The following SYNPO2 variants were observed in gnomAD, a reference collection of about 807,000 sequenced individuals.
The protein encoded by SYNPO2 is synaptopodin 2, also known as synaptopodin-2.
SYNPO2 carries 56 observed loss-of-function variants against 85.0 expected under a neutral mutation model. That is an observed-to-expected ratio of 0.66 (90% CI 0.53 to 0.82). The LOEUF is 0.82. Ranked by LOEUF, SYNPO2 falls within the 40% of genes least tolerant of loss-of-function variation. The pLI is 0.00. For missense variants in SYNPO2, 1,575 were observed against 1,534.2 expected (o/e 1.03, Z -0.44); for synonymous variants, 602 against 591.1 (o/e 1.02, Z -0.27).
At chr4:118,891,158 C>T (rs899673058) in intron 1 of SYNPO2, among the ~76,000 whole-genome samples, 2 of 152,120 alleles carry the variant, frequency 1.3e-5, no homozygotes, top group South Asian at 4.1e-4. Context: ...GTCCTACACT[C>T]CCCCTAAATC....
At chr4:118,977,949 G>C (rs1044517615) in intron 1 of SYNPO2, among the ~76,000 whole-genome samples, 9 of 152,174 alleles carry the variant, frequency 5.9e-5, no homozygotes, top group African/African-American at 2.2e-4. Flanking sequence ...TACTAGCCAA[G>C]TGAGTGAACC....
At chr4:119,016,937 T>C (rs1238393384) in intron 1 of SYNPO2, among the ~76,000 whole-genome samples, 2 of 152,196 alleles carry the variant, frequency 1.3e-5, no homozygotes, top group African/African-American at 4.8e-5. Context: ...CCAGGAACCT[T>C]TCCAAGGTTG....
intron 1 of SYNPO2, among the ~76,000 whole-genome samples, chr4:118,859,266 ATCTT>A (rs1731566712): frequency 6.6e-6 from 1 of 152,262 alleles, no homozygotes; most frequent in African/African-American, 2.4e-5. Context: ...TTTAAATTAA[ATCTT>A]TAATTTTTAA....
At chr4:118,953,789 G>A (rs974651709) in intron 1 of SYNPO2, among the ~76,000 whole-genome samples, 16 of 152,150 alleles carry the variant, frequency 1.1e-4, no homozygotes, top group African/African-American at 3.6e-4. Context: ...AAGCTCATAA[G>A]CCAGCATAAA....
At chr4:118,986,940 T>C (rs1736241714) in intron 1 of SYNPO2, among the ~76,000 whole-genome samples, 1 of 152,222 alleles carries the variant, frequency 6.6e-6, no homozygotes, top group South Asian at 2.1e-4. Flanking sequence ...CAGAAAATTC[T>C]AGTGGATCAC....
intron 1 of SYNPO2, among the ~76,000 whole-genome samples, chr4:119,016,200 G>A (rs570178847): frequency 6.6e-6 from 1 of 152,192 alleles, no homozygotes; most frequent in South Asian, 2.1e-4. Flanking sequence ...TGTATGTCCA[G>A]TATACGAGGT....
At chr4:118,944,126 T>A (rs974670259) in intron 1 of SYNPO2, among the ~76,000 whole-genome samples, 17 of 152,178 alleles carry the variant, frequency 1.1e-4, no homozygotes, top group Middle Eastern at 3.2e-3. Context: ...TTTTCTTTGA[T>A]GTCAGCTTTA....
chr4:118,899,893 C>G (rs1732663922), intron 1 of SYNPO2, among the ~76,000 whole-genome samples: 1 of 152,156 alleles, frequency 6.6e-6, no homozygotes, highest in Admixed American at 6.5e-5. Flanking sequence ...TCCTGAGTAG[C>G]TGGGATTACA....
rs1421719915 is a variant in SYNPO2, at chr4:119,058,096, G to A, written c.*162G>A. Reference sequence around the variant, plus strand: ...TGTTTCTGTGTGTGTGTGTGTGTGTGTATGTATGTGAATATACACACACAC... The same window carrying A: ...TGTTTCTGTGTGTGTGTGTGTGTGTATATGTATGTGAATATACACACACAC... On this transcript the variant is annotated 3_prime_UTR_variant, in exon 5 of 5. Coordinates refer to ENST00000307142, the MANE Select transcript of SYNPO2 (RefSeq NM_133477.3). 35 of 483,562 alleles carry A rather than the reference G, an allele frequency of 7.2e-5. No homozygotes were observed. The East Asian group carries it at 1.2e-3, about 17-fold the overall frequency. 30.0% of individuals were successfully genotyped at this position (483,562 alleles called of 1,614,324 possible). A position where few individuals can be genotyped will look rare whatever the true frequency, so the allele number is the denominator to read the frequency against.
At chr4:118,975,256 G>A (rs768961400) in intron 1 of SYNPO2, among the ~76,000 whole-genome samples, 2 of 152,176 alleles carry the variant, frequency 1.3e-5, no homozygotes, top group Non-Finnish European at 2.9e-5. Context: ...AATAATTTGG[G>A]TGACAGATCC....
chr4:119,009,145 C>T (rs1033291685), intron 1 of SYNPO2, among the ~76,000 whole-genome samples: 10 of 152,080 alleles, frequency 6.6e-5, no homozygotes, highest in African/African-American at 1.7e-4. Flanking sequence ...TCAAATGCTT[C>T]GTAAAGATTT....
chr4:118,895,849 T>A (rs944975971), intron 1 of SYNPO2, among the ~76,000 whole-genome samples: 1 of 152,240 alleles, frequency 6.6e-6, no homozygotes, highest in African/African-American at 2.4e-5. Flanking sequence ...AACTTCTCTC[T>A]GTCAGTTAAT....
upstream of SYNPO2, among the ~76,000 whole-genome samples, chr4:118,884,182 A>G (rs569561912): frequency 6.6e-6 from 1 of 152,292 alleles, no homozygotes; most frequent in East Asian, 1.9e-4. Flanking sequence ...GTTGCTTGCT[A>G]TAAACATAAT....
chr4:119,032,305 A>T, intron 4 of SYNPO2: 1 of 1,343,890 alleles, frequency 7.4e-7, no homozygotes, highest in Admixed American at 3.2e-5. Flanking sequence ...ATGTACCGTT[A>T]TATTAAGTAA....
Position 119,027,242 on chromosome 4 carries a change from T to C in SYNPO2, c.873T>C (p.Ser291=). The C allele has an allele frequency of 6.2e-7, 1 of 1,614,112 alleles. No individual in the cohort carries two copies. The highest frequency in any genetic ancestry group is 8.5e-7 in the Non-Finnish European group (1 of 1,180,024). Residue 291 remains serine, a synonymous_variant, in exon 3 of 5, where the codon TCT becomes TCC. Transcript: ENST00000307142. ...LPRVEVILDC[S]DRQKTEGCRL... ...GGGTGGAAGTGATCCTCGACTGCTC[T>C]GACAGGCAGAAGACAGAAGGGTGCA...
intron 1 of SYNPO2, among the ~76,000 whole-genome samples, chr4:118,960,927 C>T (rs1050875909): frequency 1.3e-5 from 2 of 152,104 alleles, no homozygotes; most frequent in Admixed American, 6.5e-5. Flanking sequence ...CTTCTAATTT[C>T]CTCCCTGCCA....
chr4:118,951,265 T>G (rs947127726), intron 1 of SYNPO2, among the ~76,000 whole-genome samples: 6 of 152,172 alleles, frequency 3.9e-5, no homozygotes, highest in African/African-American at 1.4e-4. Flanking sequence ...GCCCCTTCTC[T>G]GCTTCCAAGA....
rs557755331 is a variant in SYNPO2, at chr4:118,920,824, C to T, written c.105+31683C>T. Reference sequence around the variant, plus strand: ...AATAACCAGGCAGTAGGTGGGCAAACTGGCCAAATCAAGAATGATGTCTGG... The same window carrying T: ...AATAACCAGGCAGTAGGTGGGCAAATTGGCCAAATCAAGAATGATGTCTGG... On this transcript the variant is annotated intron_variant, in intron 1 of 4. Transcript: ENST00000307142. Among the ~76,000 whole-genome samples, 23 of 151,972 alleles carry T rather than the reference C, an allele frequency of 1.5e-4. No individual in the cohort carries two copies. The South Asian group carries it at 3.5e-3, about 23-fold the overall frequency.
intron 1 of SYNPO2, among the ~76,000 whole-genome samples, chr4:118,899,178 A>T (rs73842301): frequency 0.046 from 6,931 of 152,266 alleles, 497 homozygotes; most frequent in African/African-American, 0.16. Context: ...TTAAATTAAA[A>T]CAATTTTGAG....
Sources: gnomAD v4.1 joint callset for allele counts (sites outside exome capture counted in the v4.1 genomes callset) on GRCh38, gnomAD v4.1.1 for gene constraint, MANE v1.5 for transcripts, NCBI Gene and HGNC (gene_info 2026-07-23, HGNC 2026-07-21) for gene names.